Variants in CHST13 observed in about 807,000 individuals in gnomAD.
The protein encoded by CHST13 is carbohydrate sulfotransferase 13.
CHST13 carries 1 observed loss-of-function variant against 7.0 expected under a neutral mutation model. The ratio of observed to expected loss-of-function variants is 0.14; its 90% CI spans 0.05 to 0.68. The LOEUF is 0.68. CHST13 is among the 30% of genes least tolerant of loss of function. The pLI is 0.82. For missense variants in CHST13, 572 were observed against 507.9 expected (o/e 1.13, Z -1.21); for synonymous variants, 257 against 240.9 (o/e 1.07, Z -0.62).
intron 2 of CHST13, 59 bp downstream of exon 2, chr3:126,536,412 C>T (rs777752549): frequency 4.4e-5 from 60 of 1,359,426 alleles, no homozygotes; most frequent in Admixed American, 1.7e-4. Context: ...AGGAGCCTGA[C>T]AGCAACAGTG....
chr3:126,540,019 CCACACA>C (rs1434139214), intron 2 of CHST13, among the ~76,000 whole-genome samples: 2 of 137,812 alleles, frequency 1.5e-5, no homozygotes, highest in Non-Finnish European at 3.2e-5. Flanking sequence ...CACACGCATG[CCACACA>C]CACGCACACC....
rs1403161615 is a variant in CHST13 at position 126,541,824 on chromosome 3, T to C, written c.272T>C (p.Leu91Pro). ...CSRHSRRQRL[L>P]QPEDLRHVLV... ...CGCCACTCACGCCGGCAGCGCCTGC[T>C]ACAGCCGGAGGACCTGCGGCACGTG... The change falls in exon 3 of 3, where the codon CTA (leucine) becomes CCA (proline). Residue 91 changes from leucine (L) to proline (P), a missense_variant. Leu to Pro is a moderately conservative substitution (Grantham distance 98). Coordinates refer to ENST00000319340, the MANE Select transcript of CHST13 (RefSeq NM_152889.3). The C allele has an allele frequency of 6.4e-7, 1 of 1,566,856 alleles. No individual in the cohort carries two copies. The highest frequency in any genetic ancestry group is 8.6e-7 in the Non-Finnish European group (1 of 1,156,948).
intron 2 of CHST13, among the ~76,000 whole-genome samples, chr3:126,539,462 CCA>C (rs1438508799): frequency 1.3e-5 from 2 of 150,910 alleles, no homozygotes; most frequent in African/African-American, 4.9e-5. Flanking sequence ...CACAAACACA[CCA>C]CACACACTGC....
intron 2 of CHST13, among the ~76,000 whole-genome samples, chr3:126,537,792 G>A (rs190477092): frequency 2.6e-5 from 4 of 152,256 alleles, no homozygotes; most frequent in Non-Finnish European, 4.4e-5. Flanking sequence ...TGCTGATCAC[G>A]TGCCAGGCCC....
At chr3:126,529,000 C>A in intron 1 of CHST13, 5 of 337,494 alleles carry the variant, frequency 1.5e-5, no homozygotes, top group South Asian at 1.1e-4. Context: ...GGCCTGGCTG[C>A]CCTGCTTATC....
intron 1 of CHST13, among the ~76,000 whole-genome samples, chr3:126,534,900 G>A (rs1338553920): frequency 6.8e-6 from 1 of 146,114 alleles, no homozygotes; most frequent in African/African-American, 2.6e-5. Flanking sequence ...CCAGCCGGGA[G>A]ACAGACCAGC....
intron 2 of CHST13, among the ~76,000 whole-genome samples, chr3:126,539,746 C>T (rs1379872016): frequency 2.8e-5 from 3 of 106,162 alleles, no homozygotes; most frequent in Admixed American, 9.1e-5. Context: ...ACACACCCCA[C>T]ACCACACACT....
chr3:126,540,531 C>G (rs1936936802), intron 2 of CHST13, among the ~76,000 whole-genome samples: 1 of 152,214 alleles, frequency 6.6e-6, no homozygotes, highest in South Asian at 2.1e-4. Context: ...ATAACGCCCT[C>G]CAGGTCAGCC....
intron 1 of CHST13, among the ~76,000 whole-genome samples, chr3:126,535,857 A>G (rs1233200710): frequency 6.6e-6 from 1 of 152,262 alleles, no homozygotes; most frequent in Admixed American, 6.5e-5. Flanking sequence ...CTGGCTGCCC[A>G]TACACAGGAT....
intron 2 of CHST13, among the ~76,000 whole-genome samples, chr3:126,540,830 C>T (rs1165422735): frequency 6.6e-6 from 1 of 152,242 alleles, no homozygotes; most frequent in Non-Finnish European, 1.5e-5. Flanking sequence ...CCACCAGCAA[C>T]TCGTGAAAGC....
At chr3:126,539,245 C>A (rs893884853) in intron 2 of CHST13, among the ~76,000 whole-genome samples, 1 of 152,104 alleles carries the variant, frequency 6.6e-6, no homozygotes, top group African/African-American at 2.4e-5. Flanking sequence ...TATGTCTGAA[C>A]GTATCTCTAA....
In CHST13 at chr3:126,536,372, G is replaced by T; in HGVS notation, c.180+19G>T. On this transcript the variant is annotated intron_variant, in intron 2 of 2. Coordinates refer to ENST00000319340, the MANE Select transcript of CHST13 (RefSeq NM_152889.3). ...GGATCAGGTAGGTGGACAGACCCTCGACCCAGGCATGCCCCCCTCCATCCC... is the reference window on the plus strand; with the variant it reads ...GGATCAGGTAGGTGGACAGACCCTCTACCCAGGCATGCCCCCCTCCATCCC... 3.8e-6 allele frequency: 6 copies of T among 1,599,944 alleles called. No homozygotes were observed. Among genetic ancestry groups the T allele is most frequent in the Non-Finnish European group, 5.1e-6 (6 of 1,167,824 alleles).
Position 126,542,163 on chromosome 3 carries a change from T to G in CHST13, c.611T>G (p.Ile204Ser). The change falls in exon 3 of 3, where the codon ATC becomes AGC. Residue 204 changes from isoleucine to serine, a missense_variant. By Grantham distance (142) the Ile-to-Ser change is moderately radical (BLOSUM62 -2). Transcript: ENST00000319340. ...AAFQRRYGAR[I>S]VQRLRPRALP... ...TTCCAGAGGCGCTACGGTGCACGCA[T>G]CGTTCAGCGCCTGCGGCCGCGCGCG... The G allele has an allele frequency of 6.6e-7, 1 of 1,513,978 alleles. No individual in the cohort carries two copies. Among genetic ancestry groups the G allele is most frequent in the Non-Finnish European group, 8.8e-7 (1 of 1,138,180 alleles). The allele number at this position is 1,513,978 out of a possible 1,614,324, so 93.8% of individuals were successfully genotyped here.
intron 1 of CHST13, among the ~76,000 whole-genome samples, chr3:126,525,591 G>A (rs1484907127): frequency 6.6e-6 from 1 of 152,148 alleles, no homozygotes; most frequent in East Asian, 1.9e-4. Context: ...GCAGTCTGGG[G>A]TGTGGACTCA....
rs1936998003 is a variant in CHST13 at position 126,542,711 on chromosome 3, G to A, written c.*133G>A. 3 of 1,294,582 alleles carry A rather than the reference G, an allele frequency of 2.3e-6. No individual in the cohort carries two copies. The highest frequency in any genetic ancestry group is 4.0e-5 in the Admixed American group (1 of 24,952). 80.2% of individuals were successfully genotyped at this position (1,294,582 alleles called of 1,614,324 possible). A position where few individuals can be genotyped will look rare whatever the true frequency, so the allele number is the denominator to read the frequency against. ...GCACTCACCTGGCCGCCGGGCCAGCGGGCGCAGGGCACACCTGGCCAGGCT... is the reference window on the plus strand; with the variant it reads ...GCACTCACCTGGCCGCCGGGCCAGCAGGCGCAGGGCACACCTGGCCAGGCT... On this transcript the variant is annotated 3_prime_UTR_variant, in exon 3 of 3. Coordinates refer to ENST00000319340, the MANE Select transcript of CHST13 (RefSeq NM_152889.3).
rs1185565658 is a variant in CHST13, at chr3:126,542,116, C to T, written c.564C>T (p.Leu188=). ...TGGCATCGGCTTACCGCAACAAGCT[C>T]GCGCGCCCCTACAGCGCCGCCTTCC... ...ERLASAYRNK[L]ARPYSAAFQR... Residue 188 remains leucine, a synonymous_variant, in exon 3 of 3, where the codon CTC becomes CTT. Transcript: ENST00000319340. 3 of 1,578,214 alleles carry T rather than the reference C, an allele frequency of 1.9e-6. No homozygotes were observed. Among genetic ancestry groups the T allele is most frequent in the Middle Eastern group, 1.7e-4 (1 of 5,956 alleles).
intron 2 of CHST13, among the ~76,000 whole-genome samples, chr3:126,537,399 G>A (rs1936819912): frequency 1.3e-5 from 2 of 152,246 alleles, no homozygotes; most frequent in African/African-American, 4.8e-5. Flanking sequence ...TTTTAAGCAA[G>A]GAAGGACAGC....
chr3:126,527,462 AC>A (rs1388195312), intron 1 of CHST13: 1 of 152,284 alleles, frequency 6.6e-6, no homozygotes, highest in East Asian at 1.9e-4. Context: ...AGCAACTCCA[AC>A]CCAAAGCTAG....
chr3:126,541,685 C>T (rs1936958926), intron 2 of CHST13, 48 bp from the exon 3 acceptor site: 2 of 1,380,672 alleles, frequency 1.4e-6, no homozygotes, highest in African/African-American at 1.5e-5. Flanking sequence ...GTCAGGGAGC[C>T]CGCGCTGCCC....
Sources: gnomAD v4.1 joint callset for allele counts (sites outside exome capture counted in the v4.1 genomes callset) on GRCh38, gnomAD v4.1.1 for gene constraint, MANE v1.5 for transcripts, NCBI Gene and HGNC (gene_info 2026-07-23, HGNC 2026-07-21) for gene names.